The following SPATA1 variants were observed in gnomAD, a reference collection of about 807,000 sequenced individuals.
SPATA1 encodes spermatogenesis associated 1, also known as spermatogenesis-associated protein 1.
A neutral mutation model predicts 59.6 loss-of-function variants in SPATA1; 57 were observed. The ratio of observed to expected loss-of-function variants is 0.96; its 90% confidence interval spans 0.77 to 1.19. The LOEUF (loss-of-function observed/expected upper bound fraction) is 1.19. Among genes scored for constraint, SPATA1 ranks in the 50% most tolerant of loss-of-function variants. The pLI is 0.00. For missense variants in SPATA1, 448 were observed against 480.7 expected, an observed-to-expected ratio of 0.93 and a Z score of 0.64; for synonymous variants, 147 against 163.9, an observed-to-expected ratio of 0.90 and a Z score of 0.79.
At chr1:84,526,249 G>A (rs545762160) in intron 6 of SPATA1, 176 bp downstream of exon 6, 7 of 516,254 alleles carry the variant, frequency 1.4e-5, no homozygotes, top group African/African-American at 7.6e-5. Context: ...GGGAGGAAAA[G>A]AAAACAATTT....
downstream of SPATA1, among the ~76,000 whole-genome samples, chr1:84,556,168 A>G (rs549382705): frequency 1.3e-5 from 2 of 152,324 alleles, no homozygotes; most frequent in South Asian, 4.1e-4. Flanking sequence ...ACCTCTATCT[A>G]GTACTAACAC....
chr1:84,508,020 G>A (rs766391210), intron 1 of SPATA1, among the ~76,000 whole-genome samples: 1 of 152,108 alleles, frequency 6.6e-6, no homozygotes, highest in Non-Finnish European at 1.5e-5. Flanking sequence ...GGTGGCTCAC[G>A]CCTGTAATCC....
At chr1:84,557,548 A>AG (rs1256844155), downstream of SPATA1, among the ~76,000 whole-genome samples, 2 of 137,410 alleles carry the variant, frequency 1.5e-5, no homozygotes, top group African/African-American at 3.2e-5. Context: ...AAAAAAAAAA[A>AG]AAAAAGAAAA....
chr1:84,555,144 A>G (rs765136882), downstream of SPATA1: 1 of 1,614,018 alleles, frequency 6.2e-7, no homozygotes, highest in Non-Finnish European at 8.5e-7. Flanking sequence ...TGTTGCCTTT[A>G]AAGAAATACT....
chr1:84,559,680 T>C (rs558482114), intron 4 of SPATA1, among the ~76,000 whole-genome samples: 2 of 152,008 alleles, frequency 1.3e-5, no homozygotes, highest in Non-Finnish European at 2.9e-5. Context: ...CAATGGGAAT[T>C]TTGCAATGAA....
chr1:84,522,381 A>G lies in SPATA1; in HGVS notation c.144-9A>G. 1 of 1,404,218 alleles carries G rather than the reference A, an allele frequency of 7.1e-7. No homozygotes were observed. The highest frequency in any genetic ancestry group is 1.7e-5 in the South Asian group (1 of 59,784). 87.0% of individuals were successfully genotyped at this position (1,404,218 alleles called of 1,614,324 possible). A position where few individuals can be genotyped will look rare whatever the true frequency, so the allele number is the denominator to read the frequency against. The stretch of plus-strand genomic sequence containing the variant: ...TTTTATATTATAAGGCAATTTTATA[A>G]TATTTCAGAGTATCTCCTCAACTTA... On this transcript the variant is annotated splice_polypyrimidine_tract_variant and intron_variant, in intron 3 of 12. Transcript: ENST00000490879.
chr1:84,548,750 CTTTTTTTTTTTTTTTTTT>C lies in SPATA1; in HGVS notation c.947-22_947-5del, dbSNP rs56250726. ...TTTAATACTCAAACGAAGGCCTTTC[CTTTTTTTTTTTTTTTTTT>C]TTTTTTTTTTTTTATAGCCTACAAT... On this transcript the variant is annotated intron_variant, in intron 10 of 12. Transcript: ENST00000490879. The C allele has an allele frequency of 3.8e-4, 347 of 914,886 alleles. No homozygotes were observed. The highest frequency in any genetic ancestry group is 1.3e-3 in the South Asian group (57 of 45,378). 56.7% of individuals were successfully genotyped at this position (914,886 alleles called of 1,614,324 possible).
intron 4 of SPATA1, among the ~76,000 whole-genome samples, chr1:84,562,604 G>C (rs1406291987): frequency 6.6e-6 from 1 of 152,110 alleles, no homozygotes; most frequent in Non-Finnish European, 1.5e-5. Context: ...AGCTGTGGAA[G>C]AGCCTTTATA....
At chr1:84,517,379 A>G (rs1032511956) in intron 2 of SPATA1, among the ~76,000 whole-genome samples, 1 of 152,046 alleles carries the variant, frequency 6.6e-6, no homozygotes, top group African/African-American at 2.4e-5. Context: ...TTTAAATACC[A>G]ACTTTATGCC....
chr1:84,545,067 A>C (rs1684040390), intron 9 of SPATA1, among the ~76,000 whole-genome samples: 1 of 150,572 alleles, frequency 6.6e-6, no homozygotes, highest in South Asian at 2.1e-4. Flanking sequence ...AAAAATACAA[A>C]AAAATTAGGC....
intron 10 of SPATA1, among the ~76,000 whole-genome samples, chr1:84,546,263 G>A (rs1684081379): frequency 6.6e-6 from 1 of 152,110 alleles, no homozygotes. Flanking sequence ...AGACCAGCCT[G>A]GCCAACATGG....
intron 1 of SPATA1, 138 bp from the exon 2 acceptor site, chr1:84,516,085 C>T (rs188707233): frequency 9.9e-6 from 3 of 304,408 alleles, no homozygotes; most frequent in Admixed American, 5.2e-5. Context: ...GATTTATGCT[C>T]ATTTTATTAC....
At chr1:84,510,853 C>T (rs1254069754) in intron 1 of SPATA1, among the ~76,000 whole-genome samples, 1 of 152,160 alleles carries the variant, frequency 6.6e-6, no homozygotes, top group South Asian at 2.1e-4. Context: ...GAGATCATCT[C>T]ATTTGCAACA....
chr1:84,506,696 T>G (rs1429404691), intron 1 of SPATA1: 1 of 152,716 alleles, frequency 6.5e-6, no homozygotes, highest in African/African-American at 2.4e-5. Flanking sequence ...ACAGGCATTT[T>G]CAGTTCCACC....
intron 1 of SPATA1, among the ~76,000 whole-genome samples, chr1:84,513,118 T>C (rs1430158132): frequency 6.6e-6 from 1 of 152,042 alleles, no homozygotes; most frequent in Non-Finnish European, 1.5e-5. Context: ...TTTTTTGGTT[T>C]TGTTTTGTTT....
chr1:84,548,769 T>C lies in SPATA1; in HGVS notation c.947-17T>C, dbSNP rs775147925. On this transcript the variant is annotated splice_polypyrimidine_tract_variant and intron_variant, in intron 10 of 12. Transcript: ENST00000490879. ...CCTTTCCTTTTTTTTTTTTTTTTTT[T>C]TTTTTTTTTTTTATAGCCTACAATG... The C allele has an allele frequency of 2.2e-4, 252 of 1,124,330 alleles. No individual in the cohort carries two copies. Among genetic ancestry groups the C allele is most frequent in the Middle Eastern group, 3.1e-4 (1 of 3,210 alleles). 69.6% of individuals were successfully genotyped at this position (1,124,330 alleles called of 1,614,324 possible).
intron 6 of SPATA1, 162 bp downstream of exon 6, chr1:84,526,235 A>C (rs562031134): frequency 3.6e-6 from 2 of 561,108 alleles, no homozygotes; most frequent in Non-Finnish European, 6.1e-6. Context: ...TATTTTTGCC[A>C]GATGGGAGGA....
intron 4 of SPATA1, among the ~76,000 whole-genome samples, chr1:84,560,096 AAAAAGAAAGAAAGAAAG>A (rs1684558915): frequency 7.7e-6 from 1 of 129,412 alleles, no homozygotes; most frequent in African/African-American, 3.2e-5. Flanking sequence ...AAAAAAAAAA[AAAAAGAAAGAAAGAAAG>A]AAAGAAAGAA....
At position 84,526,030 on chromosome 1, in the gene SPATA1, AG is replaced by A. The variant is rs1683209166; in HGVS notation, c.502del (p.Glu168LysfsTer4). Reference sequence around the variant, plus strand: ...AACTTGGAAGAGATCCCAGTTTGTTAGAAAACACTTTGAAAGAGCTTCCTAA... The same window carrying A: ...AACTTGGAAGAGATCCCAGTTTGTTAAAAACACTTTGAAAGAGCTTCCTAA... On this transcript the variant is annotated frameshift_variant, in exon 6 of 13. Transcript: ENST00000490879. LOFTEE classifies it high-confidence loss of function. 1 of 1,612,956 alleles carries A rather than the reference AG, an allele frequency of 6.2e-7. No homozygotes were observed. The highest frequency in any genetic ancestry group is 8.5e-7 in the Non-Finnish European group (1 of 1,179,446).
Sources: allele counts gnomAD v4.1 joint callset (sites outside exome capture counted in the v4.1 genomes callset), GRCh38; gene constraint gnomAD v4.1.1; transcripts MANE v1.5; gene names NCBI Gene and HGNC (gene_info 2026-07-23, HGNC 2026-07-21).